Variants in SIPA1L3 observed in about 807,000 individuals in gnomAD.
The protein encoded by SIPA1L3 is signal-induced proliferation-associated 1-like protein 3.
Under a neutral mutation model 150.1 loss-of-function variants are expected in SIPA1L3, and 59 were observed. The ratio of observed to expected loss-of-function variants is 0.39; its 90% CI spans 0.32 to 0.49. SIPA1L3 has a LOEUF of 0.49. Among genes scored for constraint, SIPA1L3 ranks in the 20% least tolerant of loss-of-function variants. The pLI, the probability that SIPA1L3 is intolerant of heterozygous loss-of-function variation, is 0.86. For missense variants in SIPA1L3, 2,211 were observed against 2,489.5 expected, an observed-to-expected ratio of 0.89 and a Z score of 2.38; for synonymous variants, 1,070 against 1,077.6, an observed-to-expected ratio of 0.99 and a Z score of 0.14.
chr19:37,961,094 C>A (rs1297272199), intron 1 of SIPA1L3, among the ~76,000 whole-genome samples: 1 of 151,892 alleles, frequency 6.6e-6, no homozygotes, highest in African/African-American at 2.4e-5. Flanking sequence ...ATCTTGAACT[C>A]CTGGCCTCAA....
At chr19:38,135,826 G>A (rs927270814) in intron 10 of SIPA1L3, among the ~76,000 whole-genome samples, 1 of 152,042 alleles carries the variant, frequency 6.6e-6, no homozygotes, top group African/African-American at 2.4e-5. Context: ...CAGAGCTGAT[G>A]ACCCAGGCTC....
intron 1 of SIPA1L3, among the ~76,000 whole-genome samples, chr19:38,025,374 C>T (rs1294951642): frequency 6.6e-6 from 1 of 152,154 alleles, no homozygotes; most frequent in Admixed American, 6.5e-5. Flanking sequence ...CGTCCCTTCC[C>T]AGGTGGTAGA....
In SIPA1L3 at chr19:37,961,169, CTT is replaced by C. The variant is rs34465052; in HGVS notation, c.-379+53824_-379+53825del. Among the ~76,000 whole-genome samples the C allele has an allele frequency of 1.6e-3, 231 of 143,604 alleles. 2 individuals carry two copies. The highest frequency in any genetic ancestry group is 7.3e-3 in the Admixed American group (105 of 14,430). 94.2% of individuals were successfully genotyped at this position (143,604 alleles called of 152,430 possible). A position where few individuals can be genotyped will look rare whatever the true frequency, so the allele number is the denominator to read the frequency against. On this transcript the variant is annotated intron_variant, in intron 1 of 21. Transcript: ENST00000222345. Reference sequence around the variant, plus strand: ...CAGGTGTGAGCCACCGTGCCCAACCCTTTTTTTTTTTTTTAATTTAAAATTTT... The same window carrying C: ...CAGGTGTGAGCCACCGTGCCCAACCCTTTTTTTTTTTTAATTTAAAATTTT...
chr19:37,959,218 G>A (rs956069445), intron 1 of SIPA1L3, among the ~76,000 whole-genome samples: 1 of 152,184 alleles, frequency 6.6e-6, no homozygotes, highest in South Asian at 2.1e-4. Context: ...ATAATTACTT[G>A]TGCATACATG....
rs1220194632 is a variant in SIPA1L3, at chr19:38,081,838, G to A, written c.273G>A (p.Glu91=). 2 of 1,613,902 alleles carry A rather than the reference G, an allele frequency of 1.2e-6. No individual in the cohort carries two copies. Among genetic ancestry groups the A allele is most frequent in the Admixed American group, 1.7e-5 (1 of 60,034 alleles). The part of the protein sequence containing the change: ...ARVADWPPKR[E]ALREHSNPSP... ...TGGCCGACTGGCCGCCCAAGCGGGA[G>A]GCCCTGAGAGAGCACAGCAACCCAA... The change falls in exon 3 of 22, where the codon GAG becomes GAA. Residue 91 remains glutamate, a synonymous_variant. Transcript: ENST00000222345.
chr19:38,104,532 C>T (rs980648675), intron 6 of SIPA1L3, among the ~76,000 whole-genome samples: 3 of 152,078 alleles, frequency 2.0e-5, no homozygotes, highest in Non-Finnish European at 4.4e-5. Flanking sequence ...GCTCACCTGG[C>T]GTGGAGGAAG....
At chr19:37,932,373 G>A (rs1412595418) in intron 1 of SIPA1L3, 1 of 152,280 alleles carries the variant, frequency 6.6e-6, no homozygotes, top group Non-Finnish European at 1.5e-5. Flanking sequence ...TCCCCCAAAG[G>A]GAATGTTGGC....
intron 8 of SIPA1L3, among the ~76,000 whole-genome samples, chr19:38,111,070 C>A (rs1568555226): frequency 6.7e-6 from 1 of 150,370 alleles, no homozygotes; most frequent in African/African-American, 2.5e-5. Context: ...GTCACCCAGG[C>A]TGGAATGCAG....
intron 1 of SIPA1L3, among the ~76,000 whole-genome samples, chr19:37,923,454 C>G (rs1170953844): frequency 6.6e-6 from 1 of 152,134 alleles, no homozygotes; most frequent in African/African-American, 2.4e-5. Flanking sequence ...ATTTGTGTAT[C>G]TAAACATAGA....
At chr19:37,972,944 A>G (rs767595048) in intron 1 of SIPA1L3, among the ~76,000 whole-genome samples, 1 of 151,586 alleles carries the variant, frequency 6.6e-6, no homozygotes, top group African/African-American at 2.4e-5. Context: ...CATTTCCTTC[A>G]CTCCTTCCCT....
In SIPA1L3 at chr19:38,080,615, A is replaced by AT. The variant is rs375495520; in HGVS notation, c.-310-630dup. ...AGATGAGTATGATAATGTTACTGTG[A>AT]TTTTTTTTTTTAAATCTTATGTACT... On this transcript the variant is annotated intron_variant, in intron 2 of 21. Coordinates refer to ENST00000222345, the MANE Select transcript of SIPA1L3 (RefSeq NM_015073.3). Among the ~76,000 whole-genome samples, 854 of 149,638 alleles carry AT rather than the reference A, an allele frequency of 5.7e-3. 14 individuals carry two copies. Among genetic ancestry groups the AT allele is most frequent in the African/African-American group, 0.017 (716 of 40,996 alleles).
intron 5 of SIPA1L3, among the ~76,000 whole-genome samples, chr19:38,100,392 T>G (rs1335935777): frequency 1.3e-5 from 2 of 152,160 alleles, no homozygotes; most frequent in Non-Finnish European, 2.9e-5. Flanking sequence ...GGTCCCCATG[T>G]GTGCATGCAT....
intron 1 of SIPA1L3, among the ~76,000 whole-genome samples, chr19:38,010,887 G>A (rs1240856107): frequency 6.6e-6 from 1 of 152,130 alleles, no homozygotes; most frequent in Non-Finnish European, 1.5e-5. Context: ...ATGGTTGTGA[G>A]TATTCATCAA....
intron 2 of SIPA1L3, among the ~76,000 whole-genome samples, chr19:38,034,994 C>T (rs575899106): frequency 2.1e-4 from 32 of 152,288 alleles, no homozygotes; most frequent in South Asian, 1.9e-3. Flanking sequence ...GCTCCCCATC[C>T]GGTGAGGGAA....
chr19:38,024,220 T>C (rs1968449254), intron 1 of SIPA1L3, among the ~76,000 whole-genome samples: 1 of 152,226 alleles, frequency 6.6e-6, no homozygotes, highest in South Asian at 2.1e-4. Flanking sequence ...ACAGCTCACC[T>C]GGAGCCATGG....
chr19:38,038,556 A>T (rs34417240), intron 2 of SIPA1L3, among the ~76,000 whole-genome samples: 7,727 of 144,236 alleles, frequency 0.054, 293 homozygotes, highest in East Asian at 0.1. Flanking sequence ...ACGTCACTGC[A>T]CTGTAGCCTG....
At chr19:38,010,360 A>G (rs1968068044) in intron 1 of SIPA1L3, among the ~76,000 whole-genome samples, 1 of 151,852 alleles carries the variant, frequency 6.6e-6, no homozygotes, top group South Asian at 2.1e-4. Context: ...GTAAGCTAAA[A>G]TCAAGTCACT....
intron 2 of SIPA1L3, among the ~76,000 whole-genome samples, chr19:38,041,109 CTTT>C (rs11419928): frequency 2.3e-5 from 3 of 130,064 alleles, no homozygotes. Context: ...ATTATTATTA[CTTT>C]TTTTTTTTTT....
chr19:37,983,742 CA>C (rs907485044), intron 1 of SIPA1L3, among the ~76,000 whole-genome samples: 3 of 151,680 alleles, frequency 2.0e-5, no homozygotes, highest in Non-Finnish European at 4.4e-5. Flanking sequence ...CCCGTCTGTA[CA>C]AAAAACACAA....
Sources: gnomAD v4.1 joint callset for allele counts (sites outside exome capture counted in the v4.1 genomes callset) on GRCh38, gnomAD v4.1.1 for gene constraint, MANE v1.5 for transcripts, NCBI Gene and HGNC (gene_info 2026-07-23, HGNC 2026-07-21) for gene names.